The following STAB1 variants were observed in gnomAD, a reference collection of about 807,000 sequenced individuals.
STAB1 encodes the protein stabilin 1, also known as stabilin-1.
In STAB1, 250 loss-of-function variants were observed where a neutral mutation model predicts 332.4. The observed-to-expected ratio is 0.75, with a 90% confidence interval of 0.68 to 0.84. STAB1 has a LOEUF of 0.84. Among genes scored for constraint, STAB1 ranks in the 40% least tolerant of loss-of-function variants. The pLI is 0.00. For missense variants in STAB1, 3,249 were observed against 3,489.7 expected, an observed-to-expected ratio of 0.93 and a Z score of 1.74; for synonymous variants, 1,475 against 1,390.4, an observed-to-expected ratio of 1.06 and a Z score of -1.35.
chr3:52,512,172 GA>G (rs1323719100), intron 26 of STAB1, among the ~76,000 whole-genome samples, 168 bp from the exon 27 acceptor site: 1 of 152,268 alleles, frequency 6.6e-6, no homozygotes, highest in African/African-American at 2.4e-5. Context: ...CAGTGTCCTG[GA>G]GAGCAGGGCT....
At position 52,514,780 on chromosome 3, in the gene STAB1, T is replaced by A. The variant is rs1392531129; in HGVS notation, c.3758T>A (p.Leu1253Gln). Residue 1253 changes from leucine to glutamine, a missense_variant, in exon 35 of 69, where the codon CTG becomes CAG. Leu to Gln is a moderately radical substitution (Grantham distance 113). Transcript: ENST00000321725. ...TCGCTGATTGGTCTGTCGGGGGTCCTGACGGTGGGCTCAAGTCGCTGCCTG... is the reference window on the plus strand; with the variant it reads ...TCGCTGATTGGTCTGTCGGGGGTCCAGACGGTGGGCTCAAGTCGCTGCCTG... ...GRSLIGLSGV[L>Q]TVGSSRCLHS... The A allele has an allele frequency of 6.2e-7, 1 of 1,612,944 alleles. No homozygotes were observed. Among genetic ancestry groups the A allele is most frequent in the East Asian group, 2.2e-5 (1 of 44,876 alleles).
chr3:52,499,637 C>T (rs568584699), intron 1 of STAB1, among the ~76,000 whole-genome samples: 25 of 150,774 alleles, frequency 1.7e-4, no homozygotes, highest in South Asian at 1.3e-3. Flanking sequence ...CGGTGGCTCA[C>T]GCCTGTAATC....
chr3:52,495,475 G>T lies in STAB1; in HGVS notation c.62G>T (p.Ser21Ile). 2 of 1,341,696 alleles carry T rather than the reference G, an allele frequency of 1.5e-6. No homozygotes were observed. The highest frequency in any genetic ancestry group is 1.9e-6 in the Non-Finnish European group (2 of 1,039,466). 83.1% of individuals were successfully genotyped at this position (1,341,696 alleles called of 1,614,324 possible). The change falls in exon 1 of 69, where the codon AGC becomes ATC. Residue 21 changes from serine (S) to isoleucine (I), a missense_variant. Coordinates refer to ENST00000321725, the MANE Select transcript of STAB1 (RefSeq NM_015136.3). ...CTGGCCTTCTGCCTGGCAGGCTTCA[G>T]CTTCGTCAGGGGGCAGGTAAGTGTG... The part of the protein sequence containing the change: ...CLLAFCLAGF[S>I]FVRGQVLFKG...
In STAB1 at chr3:52,513,187, G is replaced by A. The variant is rs1316468605; in HGVS notation, c.3216G>A (p.Gln1072=). Residue 1072 remains glutamine (Q), a synonymous_variant, in exon 30 of 69, where the codon CAG becomes CAA. Coordinates refer to ENST00000321725, the MANE Select transcript of STAB1 (RefSeq NM_015136.3). The part of the protein sequence containing the change: ...FEEELARLGG[Q]EVATLNPTTR... ...AGGAGCTGGCCCGGCTGGGTGGGCA[G>A]GAAGTGGCCACCCTGAACCCCACCA... The A allele has an allele frequency of 1.0e-5, 16 of 1,586,828 alleles. No individual in the cohort carries two copies. The highest frequency in any genetic ancestry group is 1.3e-5 in the African/African-American group (1 of 74,690).
In STAB1 at chr3:52,519,517, G is replaced by A. The variant is rs776687770; in HGVS notation, c.5188G>A (p.Ala1730Thr). Residue 1730 changes from alanine (A) to threonine (T), a missense_variant, in exon 50 of 69, where the codon GCC becomes ACC. Coordinates refer to ENST00000321725, the MANE Select transcript of STAB1 (RefSeq NM_015136.3). ...AGCCTTTCCTCAGAGAAATGTCACC[G>A]CCGCCGCCCAGGGCTTCGGTTACAA... ...DAPIPRRNVT[A>T]AAQGFGYKIF... The A allele has an allele frequency of 9.3e-6, 15 of 1,613,266 alleles. No homozygotes were observed. The highest frequency in any genetic ancestry group is 6.7e-5 in the East Asian group (3 of 44,876).
chr3:52,504,348 G>T, intron 10 of STAB1, 113 bp from the exon 11 acceptor site: 1 of 1,382,230 alleles, frequency 7.2e-7, no homozygotes, highest in East Asian at 2.4e-5. Context: ...CCTAAATCTA[G>T]GGAGAATACC....
At chr3:52,515,837 T>C (rs112016051) in intron 37 of STAB1, among the ~76,000 whole-genome samples, 1 of 152,168 alleles carries the variant, frequency 6.6e-6, no homozygotes, top group Non-Finnish European at 1.5e-5. Context: ...CCTTCCTTGC[T>C]TGAGCCTCAG....
chr3:52,519,009 G>A (rs1471853004), intron 48 of STAB1, 140 bp downstream of exon 48: 15 of 1,152,540 alleles, frequency 1.3e-5, no homozygotes, highest in Non-Finnish European at 1.8e-5. Flanking sequence ...GTCCAGCCCG[G>A]GACTCCGCCC....
chr3:52,499,460 C>T (rs1708272658), intron 1 of STAB1, among the ~76,000 whole-genome samples: 1 of 152,252 alleles, frequency 6.6e-6, no homozygotes. Flanking sequence ...TTCATCTCAC[C>T]ACCCCAAGCC....
rs934580805 is a variant in STAB1 at position 52,519,358 on chromosome 3, C to T, written c.5129C>T (p.Pro1710Leu). ...ILHFIDRVLL[P>L]PEALHWEPDD... ...CACTTCATTGACCGTGTCCTGCTGC[C>T]CCCCGAGGCGCTGCACTGGGAGCCT... The change falls in exon 49 of 69, where the codon CCC becomes CTC. Residue 1710 changes from proline to leucine, a missense_variant. Transcript: ENST00000321725. The T allele has an allele frequency of 3.7e-6, 6 of 1,613,138 alleles. No individual in the cohort carries two copies. Among genetic ancestry groups the T allele is most frequent in the Non-Finnish European group, 5.1e-6 (6 of 1,179,998 alleles).
chr3:52,518,680 G>A (rs751456711), intron 47 of STAB1, 43 bp from the exon 48 acceptor site: 74 of 1,611,860 alleles, frequency 4.6e-5, no homozygotes, highest in Non-Finnish European at 6.0e-5. Flanking sequence ...CGTGGGCTGA[G>A]GCGGCAGTCA....
At position 52,502,735 on chromosome 3, in the gene STAB1, G is replaced by T. The variant is rs1283744056; in HGVS notation, c.583+8G>T. 3.1e-6 allele frequency: 5 copies of T among 1,611,946 alleles called. No individual in the cohort carries two copies. In the East Asian group the frequency reaches 6.7e-5, roughly 22 times the overall value. The stretch of plus-strand genomic sequence containing the variant: ...GCCCCCACTGTGATCAAGGTGAGCA[G>T]CGCCACTGGGATAGCCTAGGGCAGC... On this transcript the variant is annotated splice_region_variant and intron_variant, in intron 6 of 68. Coordinates refer to ENST00000321725, the MANE Select transcript of STAB1 (RefSeq NM_015136.3).
rs1345799874 is a variant in STAB1, at chr3:52,518,000, C to T, written c.4758C>T (p.Gly1586=). The change falls in exon 45 of 69, where the codon GGC becomes GGT. Residue 1586 remains glycine, a synonymous_variant. Coordinates refer to ENST00000321725, the MANE Select transcript of STAB1 (RefSeq NM_015136.3). ...GDGLTCRARV[G]LELLRDKHAS... Reference sequence around the variant, plus strand: ...GCCTCACCTGCCGTGCCCGAGTCGGCCTGGTAATGATGCCCAAGTCAGACC... The same window carrying T: ...GCCTCACCTGCCGTGCCCGAGTCGGTCTGGTAATGATGCCCAAGTCAGACC... The T allele has an allele frequency of 1.2e-6, 2 of 1,602,394 alleles. No individual in the cohort carries two copies. The highest frequency in any genetic ancestry group is 1.3e-5 in the African/African-American group (1 of 74,280).
chr3:52,502,759 G>T (rs1383727195), intron 6 of STAB1, 32 bp downstream of exon 6: 2 of 1,597,788 alleles, frequency 1.3e-6, no homozygotes, highest in Non-Finnish European at 8.6e-7. Flanking sequence ...GCCTAGGGCA[G>T]CAGGTCCCTG....
chr3:52,523,599 C>G, intron 65 of STAB1, 23 bp downstream of exon 65: 1 of 1,612,692 alleles, frequency 6.2e-7, no homozygotes, highest in Non-Finnish European at 8.5e-7. Context: ...ACTGTCCCAC[C>G]CTGTTGGCCC....
chr3:52,517,696 C>G, intron 44 of STAB1, 72 bp downstream of exon 44: 2 of 1,578,172 alleles, frequency 1.3e-6, no homozygotes, highest in Non-Finnish European at 1.7e-6. Flanking sequence ...CAGCCCTTCT[C>G]ACCTCCAGCA....
chr3:52,510,044 A>G lies in STAB1; in HGVS notation c.2522A>G (p.Glu841Gly). Residue 841 changes from glutamate to glycine, a missense_variant, in exon 23 of 69, where the codon GAG (glutamate) becomes GGG (glycine). By Grantham distance (98) the Glu-to-Gly change is moderately conservative. Coordinates refer to ENST00000321725, the MANE Select transcript of STAB1 (RefSeq NM_015136.3). ...CTGCATGCCCGCTGTGTTAGCCAGG[A>G]GGGTGTTGCCAGGTGAGGACCCACA... ...CHLHARCVSQ[E>G]GVARCRCLDG... 1 of 1,609,528 alleles carries G rather than the reference A, an allele frequency of 6.2e-7. No homozygotes were observed. The highest frequency in any genetic ancestry group is 8.5e-7 in the Non-Finnish European group (1 of 1,177,370).
chr3:52,504,651 T>C (rs1452596525), intron 11 of STAB1, 88 bp from the exon 12 acceptor site: 4 of 1,611,868 alleles, frequency 2.5e-6, no homozygotes, highest in Middle Eastern at 3.3e-4. Flanking sequence ...GGGCCTGGGA[T>C]GCATCCTGTC....
At chr3:52,520,779 C>A in intron 54 of STAB1, 25 bp from the exon 55 acceptor site, 2 of 1,612,736 alleles carry the variant, frequency 1.2e-6, no homozygotes, top group Non-Finnish European at 1.7e-6. Flanking sequence ...AACCACCCAA[C>A]TGCGGCCTGA....
Sources: gnomAD v4.1 joint callset for allele counts (sites outside exome capture counted in the v4.1 genomes callset) on GRCh38, gnomAD v4.1.1 for gene constraint, MANE v1.5 for transcripts, NCBI Gene and HGNC (gene_info 2026-07-23, HGNC 2026-07-21) for gene names.